The following GRM7 variants were observed in gnomAD, a reference collection of about 807,000 sequenced individuals.
GRM7 encodes metabotropic glutamate receptor 7.
Under a neutral mutation model 84.5 loss-of-function variants are expected in GRM7, and 35 were observed. The observed-to-expected ratio is 0.41, with a 90% CI of 0.32 to 0.55. GRM7 has a LOEUF of 0.55. GRM7 is among the 20% of genes least tolerant of loss of function. The pLI, the probability that GRM7 is intolerant of heterozygous loss-of-function variation, is 0.19. For missense variants in GRM7, 1,003 were observed against 1,194.6 expected, an observed-to-expected ratio of 0.84 and a Z score of 2.36; for synonymous variants, 487 against 455.1, an observed-to-expected ratio of 1.07 and a Z score of -0.89.
chr3:7,465,078 T>C (rs1006946563), intron 7 of GRM7, among the ~76,000 whole-genome samples: 2 of 152,184 alleles, frequency 1.3e-5, no homozygotes, highest in African/African-American at 4.8e-5. Flanking sequence ...GTCCAGAGAA[T>C]TGGGCTAACC....
At chr3:7,044,281 A>G (rs1002303052) in intron 1 of GRM7, among the ~76,000 whole-genome samples, 4 of 152,206 alleles carry the variant, frequency 2.6e-5, no homozygotes, top group African/African-American at 7.2e-5. Context: ...GTATTTGTAT[A>G]CACGGATACC....
chr3:7,136,454 G>A (rs1226399467), intron 1 of GRM7, among the ~76,000 whole-genome samples: 1 of 152,006 alleles, frequency 6.6e-6, no homozygotes, highest in Non-Finnish European at 1.5e-5. Flanking sequence ...AACAGAGTGA[G>A]CAGCTTCCTA....
intron 5 of GRM7, among the ~76,000 whole-genome samples, chr3:7,422,687 T>C (rs895503459): frequency 3.3e-5 from 5 of 152,316 alleles, no homozygotes; most frequent in Admixed American, 3.3e-4. Flanking sequence ...CAGAGCCAAG[T>C]ACTGACCATA....
intron 7 of GRM7, among the ~76,000 whole-genome samples, chr3:7,565,383 T>C (rs1053568834): frequency 7.2e-5 from 11 of 152,196 alleles, no homozygotes; most frequent in Admixed American, 7.2e-4. Context: ...AAATAGACTT[T>C]AATCGAGTCT....
At chr3:6,972,093 T>A (rs1693780385) in intron 1 of GRM7, among the ~76,000 whole-genome samples, 1 of 152,224 alleles carries the variant, frequency 6.6e-6, no homozygotes, top group Non-Finnish European at 1.5e-5. Context: ...GCTGAATGTC[T>A]GTCATCATTT....
chr3:7,407,375 A>G (rs533631717), intron 4 of GRM7, among the ~76,000 whole-genome samples: 4 of 152,314 alleles, frequency 2.6e-5, no homozygotes, highest in African/African-American at 9.6e-5. Context: ...TCAAAACAAT[A>G]TGTATGTGGG....
intron 2 of GRM7, among the ~76,000 whole-genome samples, chr3:7,189,395 T>C (rs1300260521): frequency 2.0e-5 from 3 of 152,180 alleles, no homozygotes; most frequent in Non-Finnish European, 4.4e-5. Flanking sequence ...TGCTTTTATT[T>C]TTCTCATCTA....
chr3:7,235,340 A>G (rs1371058769), intron 2 of GRM7, among the ~76,000 whole-genome samples: 1 of 152,232 alleles, frequency 6.6e-6, no homozygotes, highest in Non-Finnish European at 1.5e-5. Flanking sequence ...TATTTGGTAC[A>G]GCATTTTCCA....
intron 1 of GRM7, among the ~76,000 whole-genome samples, chr3:6,990,348 T>C (rs1694587864): frequency 1.3e-5 from 2 of 152,234 alleles, no homozygotes; most frequent in African/African-American, 4.8e-5. Flanking sequence ...TTTCATGGAC[T>C]CTTAAGGGGA....
At chr3:7,718,062 TG>T (rs1559503920) in intron 9 of GRM7, among the ~76,000 whole-genome samples, 2 of 152,220 alleles carry the variant, frequency 1.3e-5, no homozygotes, top group African/African-American at 4.8e-5. Context: ...TGGAGTCAGA[TG>T]GCCTAGCTCA....
At position 7,306,634 on chromosome 3, in the gene GRM7, A is replaced by C; in HGVS notation, c.1015A>C (p.Lys339Gln). 6.2e-7 allele frequency: 1 copy of C among 1,606,730 alleles called. No homozygotes were observed. The highest frequency in any genetic ancestry group is 2.3e-5 in the East Asian group (1 of 44,414). ...IAEGAITIQPKRATVEGFDAY... is the reference protein window; with the variant it reads ...IAEGAITIQPQRATVEGFDAY... The stretch of plus-strand genomic sequence containing the variant: ...AGAAGGGGCCATCACCATTCAGCCC[A>C]AGCGAGCCACGGTGGAAGGTATGGG... The change falls in exon 4 of 10, where the codon AAG becomes CAG. Residue 339 changes from lysine (K) to glutamine (Q), a missense_variant. This residue lies in a region of GRM7 where 910 missense variants were observed against 1,126.0 expected (regional missense o/e 0.81). Transcript: ENST00000357716.
chr3:7,235,692 A>T (rs1364822810), intron 2 of GRM7, among the ~76,000 whole-genome samples: 1 of 152,226 alleles, frequency 6.6e-6, no homozygotes, highest in Non-Finnish European at 1.5e-5. Flanking sequence ...TCACAACGGA[A>T]ATACATCTTA....
intron 1 of GRM7, among the ~76,000 whole-genome samples, chr3:6,888,001 A>G (rs528639700): frequency 2.0e-5 from 3 of 152,010 alleles, no homozygotes; most frequent in Non-Finnish European, 4.4e-5. Context: ...GCATTTTTTC[A>G]TGTGTTTTTT....
chr3:7,661,043 G>C (rs889107039), intron 8 of GRM7, among the ~76,000 whole-genome samples: 3 of 152,182 alleles, frequency 2.0e-5, no homozygotes, highest in Admixed American at 6.5e-5. Flanking sequence ...GTGACACTGG[G>C]TTAGGCAAAT....
chr3:7,118,777 C>A (rs1002200975), intron 1 of GRM7, among the ~76,000 whole-genome samples: 1 of 151,974 alleles, frequency 6.6e-6, no homozygotes, highest in Non-Finnish European at 1.5e-5. Flanking sequence ...CTTTTTAGAT[C>A]TGAAAATACT....
chr3:7,261,511 G>C (rs1228248607), intron 2 of GRM7, among the ~76,000 whole-genome samples: 1 of 152,184 alleles, frequency 6.6e-6, no homozygotes, highest in Non-Finnish European at 1.5e-5. Flanking sequence ...TGGGTCTCTT[G>C]AGGACAGCAT....
intron 1 of GRM7, among the ~76,000 whole-genome samples, chr3:7,130,175 C>A (rs1057468069): frequency 6.6e-6 from 1 of 152,138 alleles, no homozygotes; most frequent in African/African-American, 2.4e-5. Flanking sequence ...TCCCTTATAA[C>A]CTTGAGTCTA....
chr3:7,191,568 G>T, intron 2 of GRM7, among the ~76,000 whole-genome samples: 1 of 151,542 alleles, frequency 6.6e-6, no homozygotes, highest in East Asian at 1.9e-4. Context: ...GCAATAAACA[G>T]GAACACAATA....
At chr3:7,335,594 A>T (rs1701387178) in intron 4 of GRM7, among the ~76,000 whole-genome samples, 2 of 152,008 alleles carry the variant, frequency 1.3e-5, no homozygotes, top group African/African-American at 4.8e-5. Flanking sequence ...ACAAAAAAAT[A>T]CAAAAGATAA....
Sources: gnomAD v4.1 joint callset for allele counts (sites outside exome capture counted in the v4.1 genomes callset) on GRCh38, gnomAD v4.1.1 for gene constraint, gnomAD v4.1.1 regional missense constraint, MANE v1.5 for transcripts, NCBI Gene and HGNC (gene_info 2026-07-23, HGNC 2026-07-21) for gene names.